FMR1: variants seen among roughly 807,000 people sequenced by gnomAD.
FMR1 encodes the protein fragile X messenger ribonucleoprotein 1.
In FMR1, 13 loss-of-function variants were observed where a neutral mutation model predicts 50.6. The ratio of observed to expected loss-of-function variants is 0.26; its 90% CI spans 0.17 to 0.41. The LOEUF (loss-of-function observed/expected upper bound fraction) is 0.41, where lower values mean the gene tolerates loss of function less well. Ranked by LOEUF, FMR1 falls within the 10% of genes least tolerant of loss-of-function variation. FMR1 has a pLI of 1.00. For synonymous variants in FMR1, 138 were observed against 164.1 expected (o/e 0.84, Z 1.22); for missense variants, 316 against 491.3 (o/e 0.64, Z 3.37).
intron 16 of FMR1, among the ~76,000 whole-genome samples, chrX:147,948,203 T>C (rs2044242810): frequency 8.9e-6 from 1 of 112,455 alleles, no homozygotes; most frequent in African/African-American, 3.2e-5. Flanking sequence ...GTGATAGATA[T>C]AAAGATGTAA....
At chrX:147,942,606 C>A (rs989800757) in intron 13 of FMR1, among the ~76,000 whole-genome samples, 2 of 112,043 alleles carry the variant, frequency 1.8e-5, no homozygotes, top group Non-Finnish European at 3.8e-5. Context: ...GTTCCTTAAC[C>A]ATAGTATATG....
intron 3 of FMR1, among the ~76,000 whole-genome samples, chrX:147,927,286 A>T (rs2043425238): frequency 8.9e-6 from 1 of 111,786 alleles, no homozygotes; most frequent in Non-Finnish European, 1.9e-5. Flanking sequence ...CACTTGACAG[A>T]TCGGGACCAA....
chrX:147,912,307 C>T, intron 1 of FMR1, 77 bp downstream of exon 1: 3 of 982,224 alleles, frequency 3.1e-6, no homozygotes, highest in Non-Finnish European at 4.2e-6. Flanking sequence ...GGGAGGCAGG[C>T]CCGGGGCCCT....
At chrX:147,935,500 G>A (rs2043758678) in intron 9 of FMR1, among the ~76,000 whole-genome samples, 1 of 112,421 alleles carries the variant, frequency 8.9e-6, no homozygotes, top group Non-Finnish European at 1.9e-5. Context: ...GATGGTGAGG[G>A]CAAGCACATG....
chrX:147,912,300 A>G (rs1282359666), intron 1 of FMR1, 70 bp downstream of exon 1: 1 of 1,044,377 alleles, frequency 9.6e-7, no homozygotes, highest in Non-Finnish European at 1.3e-6. Context: ...TGTCGGCGGG[A>G]GGCAGGCCCG....
chrX:147,950,707 A>G lies in FMR1; in HGVS notation c.*1863A>G, dbSNP rs199566090. The G allele has an allele frequency of 4.9e-5, 16 of 325,985 alleles. No homozygotes were observed. The East Asian group carries it at 1.6e-3, about 32-fold the overall frequency. 26.9% of individuals were successfully genotyped at this position (325,985 alleles called of 1,213,427 possible). A position where few individuals can be genotyped will look rare whatever the true frequency, so the allele number is the denominator to read the frequency against. ...TAAGCTAGGAAAAGAAATCTATAGA[A>G]AGTGTTCTGTTACAAAATGTAACTG... On this transcript the variant is annotated 3_prime_UTR_variant, in exon 17 of 17. Coordinates refer to ENST00000370475, the MANE Select transcript of FMR1 (RefSeq NM_002024.6).
chrX:147,943,588 G>C (rs1428234316), intron 14 of FMR1: 1 of 370,858 alleles, frequency 2.7e-6, no homozygotes, highest in East Asian at 4.6e-5. Context: ...TTTTCTTAAG[G>C]CCTCTCCTGA....
At chrX:147,933,937 AAAAT>A (rs2043696072) in intron 9 of FMR1, among the ~76,000 whole-genome samples, 1 of 112,132 alleles carries the variant, frequency 8.9e-6, no homozygotes, top group African/African-American at 3.2e-5. Context: ...AAATAGTAGG[AAAAT>A]AATGCAGAAG....
At chrX:147,913,178 G>A (rs1788695162) in intron 1 of FMR1, 1 of 113,927 alleles carries the variant, frequency 8.8e-6, no homozygotes, top group Non-Finnish European at 1.8e-5. Context: ...CTTTGAATTT[G>A]TGGTGTTGCA....
chrX:147,915,495 A>G (rs1294187767), intron 1 of FMR1, among the ~76,000 whole-genome samples: 1 of 111,260 alleles, frequency 9.0e-6, no homozygotes, highest in Non-Finnish European at 1.9e-5. Flanking sequence ...TTTCCTTCCT[A>G]CAGTCTGATT....
rs1192550501 is a variant in FMR1 at position 147,937,496 on chromosome X, A to C, written c.1021A>C (p.Asn341His). Residue 341 changes from asparagine to histidine, a missense_variant, in exon 11 of 17, where the codon AAT becomes CAT. Coordinates refer to ENST00000370475, the MANE Select transcript of FMR1 (RefSeq NM_002024.6). ...EIMPPNSLPS[N>H]NSRVGPNAPE... ...TATGCCACCAAATTCCCTTCCTTCC[A>C]ATAATTCAAGGGTTGGACCTAATGC... The C allele has an allele frequency of 1.2e-5, 14 of 1,203,056 alleles. No individual in the cohort carries two copies. Among genetic ancestry groups the C allele is most frequent in the Non-Finnish European group, 1.6e-5 (14 of 889,564 alleles).
chrX:147,921,266 A>T (rs952088499), intron 1 of FMR1, among the ~76,000 whole-genome samples: 1 of 33 alleles, frequency 0.03, no homozygotes, highest in African/African-American at 0.17. Flanking sequence ...CTTGATAATT[A>T]GCTATTTTGT....
chrX:147,930,275 G>A, intron 7 of FMR1, 31 bp downstream of exon 7: 1 of 865,137 alleles, frequency 1.2e-6, no homozygotes, highest in Non-Finnish European at 1.7e-6. Context: ...CTGCTTGTAA[G>A]GGTACCTAGG....
intron 1 of FMR1, among the ~76,000 whole-genome samples, chrX:147,914,935 C>A (rs1416708720): frequency 1.3e-4 from 15 of 111,917 alleles, no homozygotes; most frequent in African/African-American, 4.5e-4. Flanking sequence ...ATGTAGAATG[C>A]GTATCACTCC....
chrX:147,923,908 A>C (rs1288230616), intron 2 of FMR1, among the ~76,000 whole-genome samples: 2 of 112,013 alleles, frequency 1.8e-5, no homozygotes, highest in East Asian at 5.6e-4. Context: ...AGTGTTTTGT[A>C]AAACACCAGA....
chrX:147,926,275 T>C (rs1214887528), intron 3 of FMR1, among the ~76,000 whole-genome samples: 5 of 111,718 alleles, frequency 4.5e-5, no homozygotes, highest in Non-Finnish European at 7.5e-5. Context: ...GTGCCTCATA[T>C]AGTTTGTGTG....
At chrX:147,931,441 A>G (rs889050245) in intron 7 of FMR1, among the ~76,000 whole-genome samples, 18 of 112,010 alleles carry the variant, frequency 1.6e-4, no homozygotes, top group African/African-American at 5.8e-4. Context: ...GCACTTTTAA[A>G]TTATTTATGC....
chrX:147,932,568 T>C lies in FMR1; in HGVS notation c.774T>C (p.Asp258=), dbSNP rs1557178914. 7 of 1,210,034 alleles carry C rather than the reference T, an allele frequency of 5.8e-6. No homozygotes were observed. Among genetic ancestry groups the C allele is most frequent in the African/African-American group, 1.7e-5 (1 of 57,821 alleles). The change falls in exon 8 of 17, where the codon GAT becomes GAC. Residue 258 remains aspartate, a synonymous_variant. Coordinates refer to ENST00000370475, the MANE Select transcript of FMR1 (RefSeq NM_002024.6). Reference sequence around the variant, plus strand: ...TCACTGCTATTGATCTAGATGAAGATACCTGCACATTTCATATTTATGGAG... The same window carrying C: ...TCACTGCTATTGATCTAGATGAAGACACCTGCACATTTCATATTTATGGAG... ...PGVTAIDLDE[D]TCTFHIYGED...
intron 1 of FMR1, chrX:147,913,214 A>G (rs1255065670): frequency 6.2e-5 from 7 of 112,561 alleles, no homozygotes; most frequent in Non-Finnish European, 1.1e-4. Flanking sequence ...GAGGCTTTAT[A>G]TAGGCATTCA....
Sources: gnomAD v4.1 joint callset for allele counts (sites outside exome capture counted in the v4.1 genomes callset) on GRCh38, gnomAD v4.1.1 for gene constraint, MANE v1.5 for transcripts, NCBI Gene and HGNC (gene_info 2026-07-23, HGNC 2026-07-21) for gene names.